NEDD4L: variants seen among roughly 807,000 people sequenced by gnomAD.
NEDD4L encodes the protein NEDD4 like E3 ubiquitin protein ligase, also known as E3 ubiquitin-protein ligase NEDD4-like.
In NEDD4L, 54 loss-of-function variants were observed where a neutral mutation model predicts 148.9. That is an observed-to-expected ratio of 0.36 (90% CI 0.29 to 0.45). The LOEUF (loss-of-function observed/expected upper bound fraction) is 0.45. NEDD4L is among the 20% of genes least tolerant of loss of function. The pLI, the probability that NEDD4L is intolerant of heterozygous loss-of-function variation, is 1.00. For missense variants in NEDD4L, 856 were observed against 1,233.8 expected (o/e 0.69, Z 4.59); for synonymous variants, 433 against 440.7 (o/e 0.98, Z 0.22).
At chr18:58,276,212 T>TTGG (rs1555782967) in intron 5 of NEDD4L, among the ~76,000 whole-genome samples, 4 of 103,440 alleles carry the variant, frequency 3.9e-5, no homozygotes, top group Non-Finnish European at 6.4e-5. Context: ...TTTTTTTTTT[T>TTGG]GGGTGGGGAG....
intron 1 of NEDD4L, among the ~76,000 whole-genome samples, chr18:58,066,778 C>A (rs181787687): frequency 1.1e-4 from 16 of 152,186 alleles, no homozygotes; most frequent in African/African-American, 3.1e-4. Context: ...AGGAAGCAAG[C>A]ATGTCTTACA....
intron 24 of NEDD4L, among the ~76,000 whole-genome samples, chr18:58,374,619 C>T (rs916457314): frequency 6.6e-6 from 1 of 152,040 alleles, no homozygotes; most frequent in African/African-American, 2.4e-5. Context: ...CTCCCCAGGA[C>T]CGAGAGTACT....
chr18:58,230,141 T>C (rs1278122255), intron 2 of NEDD4L, among the ~76,000 whole-genome samples: 1 of 152,228 alleles, frequency 6.6e-6, no homozygotes, highest in Non-Finnish European at 1.5e-5. Flanking sequence ...AGATCTATAT[T>C]TAAATGTGAA....
Position 58,390,690 on chromosome 18 carries a change from G to A in NEDD4L, c.2700G>A (p.Gln900=), listed in dbSNP as rs1230911944. Residue 900 remains glutamine (Q), a synonymous_variant, in exon 29 of 31, where the codon CAG becomes CAA. Transcript: ENST00000400345. ...MDAEKRIRLL[Q]FVTGTSRVPM... is the part of the protein sequence containing the mutation. ...CCGAAAAGCGTATCCGGTTACTGCAGTTTGTCACAGGGACATCGCGAGTAC... is the reference window on the plus strand; with the variant it reads ...CCGAAAAGCGTATCCGGTTACTGCAATTTGTCACAGGGACATCGCGAGTAC... 3.1e-6 allele frequency: 5 copies of A among 1,600,158 alleles called. No homozygotes were observed. Among genetic ancestry groups the A allele is most frequent in the Non-Finnish European group, 4.3e-6 (5 of 1,172,728 alleles).
chr18:58,190,759 T>TTA (rs2040016266), intron 2 of NEDD4L, among the ~76,000 whole-genome samples: 1 of 152,200 alleles, frequency 6.6e-6, no homozygotes, highest in Admixed American at 6.5e-5. Flanking sequence ...AACCTATGAT[T>TTA]TATACTTCTT....
intron 5 of NEDD4L, among the ~76,000 whole-genome samples, chr18:58,296,061 G>C (rs1289092567): frequency 1.3e-5 from 2 of 152,194 alleles, no homozygotes; most frequent in Non-Finnish European, 2.9e-5. Context: ...CCCCAGACCG[G>C]AGTCATACCA....
intron 24 of NEDD4L, 116 bp from the exon 25 acceptor site, chr18:58,383,130 C>T (rs145170862): frequency 5.5e-5 from 36 of 651,182 alleles, no homozygotes; most frequent in African/African-American, 1.4e-4. Context: ...GCCCATTTGC[C>T]GGGAAATATT....
At chr18:58,231,602 G>T (rs1004896498) in intron 2 of NEDD4L, among the ~76,000 whole-genome samples, 3 of 152,048 alleles carry the variant, frequency 2.0e-5, no homozygotes, top group Non-Finnish European at 2.9e-5. Context: ...TCACTTGGTC[G>T]CCCAGGCTGG....
intron 1 of NEDD4L, among the ~76,000 whole-genome samples, chr18:58,103,137 A>G (rs1056555930): frequency 2.2e-4 from 33 of 151,720 alleles, no homozygotes; most frequent in African/African-American, 6.5e-4. Flanking sequence ...CTATTTGTCT[A>G]TGTAGCAGTA....
intron 1 of NEDD4L, among the ~76,000 whole-genome samples, chr18:58,077,347 T>A (rs1453518372): frequency 6.6e-6 from 1 of 151,874 alleles, no homozygotes; most frequent in Non-Finnish European, 1.5e-5. Context: ...TTGTATTTTT[T>A]ATAGAGATAG....
intron 1 of NEDD4L, among the ~76,000 whole-genome samples, chr18:58,079,022 C>T (rs879893167): frequency 2.6e-5 from 4 of 152,126 alleles, no homozygotes; most frequent in African/African-American, 7.2e-5. Flanking sequence ...ATGTACCAGG[C>T]ACTCCCAGTG....
intron 5 of NEDD4L, among the ~76,000 whole-genome samples, chr18:58,280,330 C>T (rs993828647): frequency 6.6e-6 from 1 of 152,168 alleles, no homozygotes; most frequent in East Asian, 1.9e-4. Context: ...ATGCCACTAT[C>T]TGTGTGTTCC....
intron 28 of NEDD4L, 111 bp downstream of exon 28, chr18:58,389,303 C>A: frequency 1.3e-6 from 1 of 761,362 alleles, no homozygotes; most frequent in Non-Finnish European, 2.1e-6. Context: ...GCTTTGGGGT[C>A]TGTTAGAGCT....
chr18:58,155,846 G>A (rs1310046503), intron 1 of NEDD4L, among the ~76,000 whole-genome samples: 1 of 152,222 alleles, frequency 6.6e-6, no homozygotes, highest in Non-Finnish European at 1.5e-5. Flanking sequence ...CTCTAGACAT[G>A]ATCAGTTGCA....
chr18:58,123,956 G>T (rs1041450479), intron 1 of NEDD4L, among the ~76,000 whole-genome samples: 1 of 152,002 alleles, frequency 6.6e-6, no homozygotes, highest in Non-Finnish European at 1.5e-5. Context: ...CCTTTCTTCC[G>T]CATCCTTCCA....
At chr18:58,269,441 G>C (rs115691874) in intron 5 of NEDD4L, among the ~76,000 whole-genome samples, 2,659 of 152,194 alleles carry the variant, frequency 0.017, 65 homozygotes, top group African/African-American at 0.058. Context: ...ACACAAGTCT[G>C]TGGTCAGCAG....
intron 2 of NEDD4L, among the ~76,000 whole-genome samples, chr18:58,238,006 G>A (rs1313179907): frequency 6.6e-6 from 1 of 152,246 alleles, no homozygotes; most frequent in Non-Finnish European, 1.5e-5. Flanking sequence ...GCATCCAAAA[G>A]TGTGTTCTTC....
rs528457004 is a variant in NEDD4L at position 58,146,495 on chromosome 18, C to T, written c.49-19293C>T. On this transcript the variant is annotated intron_variant, in intron 1 of 30. Coordinates refer to ENST00000400345, the MANE Select transcript of NEDD4L (RefSeq NM_001144967.3). ...GGTTACTAGGGTGTCCAGCGACCAG[C>T]CAAGTGGCCTATAGATAATAAGGAG... Among the ~76,000 whole-genome samples the T allele has an allele frequency of 5.3e-5, 8 of 152,198 alleles. No individual in the cohort carries two copies. The South Asian group carries it at 6.2e-4, about 12-fold the overall frequency.
intron 1 of NEDD4L, among the ~76,000 whole-genome samples, chr18:58,093,019 C>T (rs1599217101): frequency 6.6e-6 from 1 of 152,060 alleles, no homozygotes; most frequent in African/African-American, 2.4e-5. Context: ...CGCCACCACA[C>T]CTGGCTAATT....
Sources: allele counts gnomAD v4.1 joint callset (sites outside exome capture counted in the v4.1 genomes callset), GRCh38; gene constraint gnomAD v4.1.1; transcripts MANE v1.5; gene names NCBI Gene and HGNC (gene_info 2026-07-23, HGNC 2026-07-21).